Variants in HNRNPC observed in about 807,000 individuals in gnomAD.
HNRNPC encodes the protein heterogeneous nuclear ribonucleoproteins C1/C2.
Under a neutral mutation model 33.2 loss-of-function variants are expected in HNRNPC, and 3 were observed. The ratio of observed to expected loss-of-function variants is 0.09; its 90% CI spans 0.04 to 0.23. HNRNPC has a LOEUF of 0.23. Ranked by LOEUF, HNRNPC falls within the 10% of genes least tolerant of loss-of-function variation. The pLI is 1.00. For synonymous variants in HNRNPC, 121 were observed against 126.7 expected (o/e 0.96, Z 0.30); for missense variants, 143 against 366.7 (o/e 0.39, Z 4.98).
intron 7 of HNRNPC, 85 bp downstream of exon 7, chr14:21,211,725 T>C (rs1228108719): frequency 2.1e-6 from 3 of 1,418,664 alleles, no homozygotes; most frequent in Non-Finnish European, 3.0e-6. Context: ...CATTGCTTTA[T>C]ATTCCACTAT....
chr14:21,268,077 T>C (rs1879313193), intron 1 of HNRNPC, among the ~76,000 whole-genome samples: 2 of 152,194 alleles, frequency 1.3e-5, no homozygotes, highest in Admixed American at 1.3e-4. Flanking sequence ...TTTGTGAGAT[T>C]AACAGATTGT....
At chr14:21,260,956 G>C (rs1460946161) in intron 2 of HNRNPC, among the ~76,000 whole-genome samples, 1 of 112,338 alleles carries the variant, frequency 8.9e-6, no homozygotes, top group African/African-American at 3.5e-5. Flanking sequence ...GAGCGAGACT[G>C]TCTCAAAAAA....
intron 5 of HNRNPC, among the ~76,000 whole-genome samples, chr14:21,214,390 T>C (rs1891931874): frequency 6.6e-6 from 1 of 152,222 alleles, no homozygotes; most frequent in South Asian, 2.1e-4. Flanking sequence ...CTCTGTTAAC[T>C]TAAAAGTGTT....
rs113661538 is a variant in HNRNPC, at chr14:21,244,859, G to A, written c.-36-10630C>T. ...ACACAGGGCGGGAAAGGTGGTTCAC[G>A]CCTGTAATCCCAACACGGAGTTTGA... On this transcript the variant is annotated intron_variant, in intron 2 of 8. Coordinates refer to ENST00000553300, the MANE Select transcript of HNRNPC (RefSeq NM_004500.4). 6.2e-3 allele frequency among the ~76,000 whole-genome samples: 939 copies of A among 152,132 alleles called. 12 individuals are homozygous for A. The highest frequency in any genetic ancestry group is 0.02 in the African/African-American group (824 of 41,504).
At chr14:21,243,471 T>C (rs1277852552) in intron 2 of HNRNPC, among the ~76,000 whole-genome samples, 1 of 152,178 alleles carries the variant, frequency 6.6e-6, no homozygotes, top group Non-Finnish European at 1.5e-5. Flanking sequence ...ATGCTATATA[T>C]AGCAGATTCA....
At chr14:21,267,365 T>C (rs565353196) in intron 1 of HNRNPC, among the ~76,000 whole-genome samples, 1 of 152,308 alleles carries the variant, frequency 6.6e-6, no homozygotes, top group East Asian at 1.9e-4. Context: ...GTCTTTAAAA[T>C]TAGAGCAACT....
chr14:21,234,857 T>C (rs1009939789), intron 2 of HNRNPC: 2 of 111,100 alleles, frequency 1.8e-5, no homozygotes, highest in Non-Finnish European at 4.6e-5. Flanking sequence ...TCAATTAATC[T>C]GCAGTATGCT....
At chr14:21,236,063 T>C (rs1894663196) in intron 2 of HNRNPC, among the ~76,000 whole-genome samples, 1 of 152,076 alleles carries the variant, frequency 6.6e-6, no homozygotes, top group South Asian at 2.1e-4. Flanking sequence ...ACATAGCTAG[T>C]ATTATTTTCA....
intron 8 of HNRNPC, 27 bp downstream of exon 8, chr14:21,211,377 CTT>C (rs1278991306): frequency 1.9e-5 from 30 of 1,538,700 alleles, no homozygotes; most frequent in Non-Finnish European, 2.6e-5. Flanking sequence ...CCTCCACCAC[CTT>C]TTTCTTTCCT....
chr14:21,256,673 G>A (rs967633039), intron 2 of HNRNPC, among the ~76,000 whole-genome samples: 2 of 151,904 alleles, frequency 1.3e-5, no homozygotes, highest in Non-Finnish European at 2.9e-5. Context: ...TTTTGTGATA[G>A]GGTCTTGCTC....
chr14:21,243,859 G>A (rs913394917), intron 2 of HNRNPC, among the ~76,000 whole-genome samples: 10 of 152,102 alleles, frequency 6.6e-5, no homozygotes, highest in African/African-American at 1.9e-4. Flanking sequence ...CATCTACCAC[G>A]TAGAGGTTCT....
At chr14:21,233,927 C>T (rs1242970888) in intron 3 of HNRNPC, 26 bp downstream of exon 3, 11 of 1,609,364 alleles carry the variant, frequency 6.8e-6, no homozygotes, top group Non-Finnish European at 9.3e-6. Flanking sequence ...GCCTGAATTA[C>T]ATCATCAATG....
intron 5 of HNRNPC, among the ~76,000 whole-genome samples, chr14:21,219,549 GACCTTGTTT>G: frequency 6.6e-6 from 1 of 152,308 alleles, no homozygotes; most frequent in South Asian, 2.1e-4. Context: ...TGACATGAAA[GACCTTGTTT>G]GCCTTTCTAC....
intron 2 of HNRNPC, among the ~76,000 whole-genome samples, chr14:21,255,825 G>A (rs1337813731): frequency 6.6e-6 from 1 of 152,214 alleles, no homozygotes; most frequent in Non-Finnish European, 1.5e-5. Context: ...TTGGTGATAA[G>A]TGCTAAAGAG....
rs758199222 is a variant in HNRNPC at position 21,211,195 on chromosome 14, G to A, written c.*28C>T. 3 of 1,607,102 alleles carry A rather than the reference G, an allele frequency of 1.9e-6. No individual in the cohort carries two copies. The highest frequency in any genetic ancestry group is 2.6e-6 in the Non-Finnish European group (3 of 1,174,310). On this transcript the variant is annotated 3_prime_UTR_variant, in exon 9 of 9. Transcript: ENST00000553300. ...AAGCGCCTAGGTAAAGAAATAATGGGATAAGATTTCTAAACCCCACTATGT... is the reference window on the plus strand; with the variant it reads ...AAGCGCCTAGGTAAAGAAATAATGGAATAAGATTTCTAAACCCCACTATGT...
intron 2 of HNRNPC, among the ~76,000 whole-genome samples, chr14:21,246,583 G>C (rs1480157608): frequency 1.4e-5 from 2 of 143,914 alleles, no homozygotes; most frequent in African/African-American, 5.2e-5. Flanking sequence ...AAAAAAAAAA[G>C]TCGTCTTATA....
At chr14:21,248,767 G>A (rs558864819) in intron 2 of HNRNPC, among the ~76,000 whole-genome samples, 23 of 152,306 alleles carry the variant, frequency 1.5e-4, no homozygotes, top group African/African-American at 4.6e-4. Context: ...TAAATGGTCC[G>A]TATGAACCCA....
At chr14:21,266,596 T>G (rs1054347773) in intron 1 of HNRNPC, among the ~76,000 whole-genome samples, 1 of 150,536 alleles carries the variant, frequency 6.6e-6, no homozygotes, top group Non-Finnish European at 1.5e-5. Flanking sequence ...AGAATACCTG[T>G]AGTTATGCTA....
chr14:21,256,201 C>A (rs1594319381), intron 2 of HNRNPC, among the ~76,000 whole-genome samples: 2 of 152,248 alleles, frequency 1.3e-5, no homozygotes, highest in East Asian at 3.9e-4. Flanking sequence ...AATCCCAGCA[C>A]TTTGGGGAGG....
Sources: allele counts gnomAD v4.1 joint callset (sites outside exome capture counted in the v4.1 genomes callset), GRCh38; gene constraint gnomAD v4.1.1; transcripts MANE v1.5; gene names NCBI Gene and HGNC (gene_info 2026-07-23, HGNC 2026-07-21).